The following DLGAP2 variants were observed in gnomAD, a reference collection of about 807,000 sequenced individuals.
The protein encoded by DLGAP2 is disks large-associated protein 2.
In DLGAP2, 26 loss-of-function variants were observed where a neutral mutation model predicts 100.3. That is an observed-to-expected ratio of 0.26 (90% CI 0.19 to 0.36). The LOEUF is 0.36. Ranked by LOEUF, DLGAP2 falls within the 10% of genes least tolerant of loss-of-function variation. DLGAP2 has a pLI of 1.00. For missense variants in DLGAP2, 1,858 were observed against 1,453.2 expected, an observed-to-expected ratio of 1.28 and a Z score of -4.53; for synonymous variants, 886 against 630.1, an observed-to-expected ratio of 1.41 and a Z score of -6.08.
chr8:1,385,677 G>A (rs1449200360), intron 3 of DLGAP2, among the ~76,000 whole-genome samples: 4 of 93,664 alleles, frequency 4.3e-5, no homozygotes, highest in African/African-American at 1.6e-4. Flanking sequence ...GCCTGTGCCC[G>A]TCCCCTGAGA....
At chr8:1,430,482 A>C (rs1400880858) in intron 3 of DLGAP2, among the ~76,000 whole-genome samples, 5 of 152,180 alleles carry the variant, frequency 3.3e-5, no homozygotes, top group Admixed American at 1.3e-4. Context: ...CTAGCAGAAG[A>C]AGCCTGGAAA....
chr8:1,238,459 A>C (rs62487782), intron 2 of DLGAP2, among the ~76,000 whole-genome samples: 1 of 129,898 alleles, frequency 7.7e-6, no homozygotes, highest in Non-Finnish European at 1.7e-5. Context: ...CGCCGTGTCT[A>C]GTTCTCTCAC....
At chr8:1,032,379 C>A (rs918466069) in intron 2 of DLGAP2, among the ~76,000 whole-genome samples, 3 of 152,190 alleles carry the variant, frequency 2.0e-5, no homozygotes, top group Non-Finnish European at 4.4e-5. Context: ...TGGCTCCCAG[C>A]GATTTCTCCA....
At chr8:1,097,460 G>A (rs1415355952) in intron 2 of DLGAP2, among the ~76,000 whole-genome samples, 6 of 136,370 alleles carry the variant, frequency 4.4e-5, no homozygotes, top group Admixed American at 1.5e-4. Flanking sequence ...GTGCTCAGGA[G>A]AGTCAAGCTG....
At chr8:1,179,317 G>A (rs77077947) in intron 2 of DLGAP2, among the ~76,000 whole-genome samples, 3 of 152,186 alleles carry the variant, frequency 2.0e-5, no homozygotes, top group South Asian at 2.1e-4. Context: ...CCCCATTTTC[G>A]CCTGTGCCAA....
At chr8:1,282,782 G>C (rs1799842618) in intron 3 of DLGAP2, among the ~76,000 whole-genome samples, 1 of 101,532 alleles carries the variant, frequency 9.8e-6, no homozygotes, top group East Asian at 3.5e-4. Context: ...TACGGACATG[G>C]TGTGACCTGA....
intron 3 of DLGAP2, among the ~76,000 whole-genome samples, chr8:1,499,787 C>T (rs776282028): frequency 6.6e-6 from 1 of 152,192 alleles, no homozygotes; most frequent in Non-Finnish European, 1.5e-5. Flanking sequence ...GAGAGGCGAC[C>T]GTATCCTCTT....
chr8:1,560,539 T>C (rs1306651405), intron 5 of DLGAP2, among the ~76,000 whole-genome samples: 1 of 152,194 alleles, frequency 6.6e-6, no homozygotes, highest in Non-Finnish European at 1.5e-5. Context: ...CTGGGCTGCA[T>C]TGTCTTGGGG....
At chr8:1,274,085 C>T (rs1003915352) in intron 3 of DLGAP2, among the ~76,000 whole-genome samples, 2 of 152,070 alleles carry the variant, frequency 1.3e-5, no homozygotes, top group South Asian at 2.1e-4. Flanking sequence ...CTCTGTTCAG[C>T]ATATCGGAAT....
At chr8:1,248,978 A>G (rs1004272677) in intron 2 of DLGAP2, among the ~76,000 whole-genome samples, 5 of 152,148 alleles carry the variant, frequency 3.3e-5, no homozygotes, top group Admixed American at 2.0e-4. Context: ...GCTCAGCCAC[A>G]ATGTAAGAGC....
intron 2 of DLGAP2, among the ~76,000 whole-genome samples, chr8:1,155,501 T>C (rs1682179873): frequency 5.9e-5 from 9 of 152,114 alleles, no homozygotes; most frequent in Non-Finnish European, 1.3e-4. Flanking sequence ...GGAACTTTTC[T>C]AAAGAGTTTC....
At chr8:1,233,845 T>G (rs747580121) in intron 2 of DLGAP2, among the ~76,000 whole-genome samples, 2 of 151,960 alleles carry the variant, frequency 1.3e-5, no homozygotes, top group Non-Finnish European at 2.9e-5. Context: ...TTTTAATCCG[T>G]AAGCTAAACC....
intron 8 of DLGAP2, among the ~76,000 whole-genome samples, chr8:1,646,868 C>T (rs935446057): frequency 4.6e-5 from 7 of 152,152 alleles, no homozygotes; most frequent in South Asian, 2.1e-4. Flanking sequence ...GGAAAGCCAG[C>T]GTCGAAAACT....
At chr8:946,453 C>CG (rs1554450595) in intron 2 of DLGAP2, among the ~76,000 whole-genome samples, 2 of 151,740 alleles carry the variant, frequency 1.3e-5, no homozygotes, top group South Asian at 2.1e-4. Context: ...TTTGTAGAGA[C>CG]GGGGTTTCAC....
At chr8:1,468,084 A>C (rs17828023) in intron 3 of DLGAP2, among the ~76,000 whole-genome samples, 11,030 of 152,294 alleles carry the variant, frequency 0.072, 859 homozygotes, top group East Asian at 0.41. Context: ...CACTTTCAGA[A>C]ATCACTTGCC....
At chr8:1,254,886 C>CCCGT (rs1563042965) in intron 2 of DLGAP2, among the ~76,000 whole-genome samples, 1 of 151,464 alleles carries the variant, frequency 6.6e-6, no homozygotes, top group Non-Finnish European at 1.5e-5. Flanking sequence ...CTCTCCTGCC[C>CCCGT]GCGTGCTGTG....
At chr8:1,411,985 A>G (rs562677999) in intron 3 of DLGAP2, among the ~76,000 whole-genome samples, 1 of 152,210 alleles carries the variant, frequency 6.6e-6, no homozygotes, top group Non-Finnish European at 1.5e-5. Context: ...GGCAACAGCA[A>G]GGGCTCTGGA....
chr8:1,593,477 T>C (rs1156629465), intron 6 of DLGAP2, among the ~76,000 whole-genome samples: 1 of 151,476 alleles, frequency 6.6e-6, no homozygotes, highest in African/African-American at 2.4e-5. Context: ...AATAATAAAA[T>C]AAAAATAAAT....
At chr8:760,454 C>A (rs1006324474) in intron 1 of DLGAP2, among the ~76,000 whole-genome samples, 4 of 152,114 alleles carry the variant, frequency 2.6e-5, no homozygotes, top group Non-Finnish European at 5.9e-5. Context: ...CAAATAATTT[C>A]CTAAAGTTTC....
Sources: allele counts gnomAD v4.1 joint callset (sites outside exome capture counted in the v4.1 genomes callset), GRCh38; gene constraint gnomAD v4.1.1; transcripts MANE v1.5; gene names NCBI Gene and HGNC (gene_info 2026-07-23, HGNC 2026-07-21).